The following TMEM222 variants were observed in gnomAD, a reference collection of about 807,000 sequenced individuals.
TMEM222 encodes transmembrane protein 222.
A neutral mutation model predicts 25.1 loss-of-function variants in TMEM222; 18 were observed. The observed-to-expected ratio is 0.72, with a 90% CI of 0.50 to 1.06. The LOEUF (loss-of-function observed/expected upper bound fraction) is 1.06. TMEM222 is among the 50% of genes least tolerant of loss of function. TMEM222 has a pLI of 0.00. For missense variants in TMEM222, 296 were observed against 293.7 expected, an observed-to-expected ratio of 1.01 and a Z score of -0.06; for synonymous variants, 131 against 117.9, an observed-to-expected ratio of 1.11 and a Z score of -0.72.
Position 27,322,320 on chromosome 1 carries a change from C to A in TMEM222, c.123C>A (p.Gly41=). The change falls in exon 1 of 6, where the codon GGC becomes GGA. Residue 41 remains glycine, a synonymous_variant. Transcript: ENST00000374076. ...ACATGAAGCAATATCAAGGCTCCGG[C>A]GGCGTCGCCATGGATGTGGAACGGA... is the stretch of plus-strand genomic sequence containing the variant. ...ETDMKQYQGS[G]GVAMDVERSR... is the part of the protein sequence containing the mutation. 1 of 1,552,494 alleles carries A rather than the reference C, an allele frequency of 6.4e-7. No individual in the cohort carries two copies. Among genetic ancestry groups the A allele is most frequent in the Non-Finnish European group, 8.7e-7 (1 of 1,145,306 alleles).
In TMEM222 at chr1:27,322,166, G is replaced by A; in HGVS notation, c.-32G>A. Reference sequence around the variant, plus strand: ...CGCCATGGGGACGAGCGGCACCAGAGCCGGGGCCAGTCGGAGCGGGGCGCG... The same window carrying A: ...CGCCATGGGGACGAGCGGCACCAGAACCGGGGCCAGTCGGAGCGGGGCGCG... On this transcript the variant is annotated 5_prime_UTR_variant, in exon 1 of 6. Transcript: ENST00000374076. 1 of 1,365,630 alleles carries A rather than the reference G, an allele frequency of 7.3e-7. No homozygotes were observed. The highest frequency in any genetic ancestry group is 9.5e-7 in the Non-Finnish European group (1 of 1,048,110). The allele number at this position is 1,365,630 out of a possible 1,614,324, so 84.6% of individuals were successfully genotyped here.
intron 3 of TMEM222, chr1:27,332,428 C>G: frequency 1.4e-6 from 1 of 718,070 alleles, no homozygotes; most frequent in South Asian, 1.5e-5. Flanking sequence ...GACCCACACC[C>G]AGATCTGTCT....
At chr1:27,326,530 A>C in intron 1 of TMEM222, among the ~76,000 whole-genome samples, 1 of 152,206 alleles carries the variant, frequency 6.6e-6, no homozygotes, top group East Asian at 1.9e-4. Flanking sequence ...GTAACCAAAA[A>C]AAAGGGAAAA....
chr1:27,333,707 A>G, intron 3 of TMEM222: 1 of 545,878 alleles, frequency 1.8e-6, no homozygotes, highest in Non-Finnish European at 3.3e-6. Context: ...CAACATATGA[A>G]CTTGGGGACA....
intron 3 of TMEM222, chr1:27,332,626 C>G (rs2014508630): frequency 1.5e-6 from 1 of 667,604 alleles, no homozygotes; most frequent in Non-Finnish European, 2.8e-6. Context: ...GTGCCCACCT[C>G]AGCTGTGGGC....
intron 1 of TMEM222, among the ~76,000 whole-genome samples, chr1:27,322,603 G>A (rs4592273): frequency 0.19 from 28,938 of 152,280 alleles, 3,537 homozygotes; most frequent in Middle Eastern, 0.3. Flanking sequence ...ACCTGGTGTA[G>A]CCAGGGAGAG....
chr1:27,326,602 C>T (rs1024150414), intron 1 of TMEM222, among the ~76,000 whole-genome samples: 54 of 152,178 alleles, frequency 3.5e-4, no homozygotes, highest in African/African-American at 1.3e-3. Flanking sequence ...GATGCTTACT[C>T]TGTCCTAAAC....
chr1:27,325,428 C>T (rs748354313), intron 1 of TMEM222: 9 of 1,176,304 alleles, frequency 7.7e-6, no homozygotes, highest in African/African-American at 1.5e-5. Flanking sequence ...CAGCAACAAG[C>T]GGTTCCAGTG....
chr1:27,331,666 G>A (rs974708924), intron 2 of TMEM222, among the ~76,000 whole-genome samples: 1 of 152,260 alleles, frequency 6.6e-6, no homozygotes, highest in Non-Finnish European at 1.5e-5. Flanking sequence ...TGGTCTCCAT[G>A]TGGGCCACCA....
chr1:27,323,224 AC>A (rs536780653), intron 1 of TMEM222, among the ~76,000 whole-genome samples: 1 of 152,172 alleles, frequency 6.6e-6, no homozygotes, highest in Non-Finnish European at 1.5e-5. Flanking sequence ...TCAGGTTCGC[AC>A]CCCAATAAGC....
intron 1 of TMEM222, chr1:27,325,655 C>G: frequency 1.2e-6 from 1 of 840,766 alleles, no homozygotes; most frequent in Non-Finnish European, 2.1e-6. Context: ...AGATCAAGCT[C>G]ATTGTGCCCC....
At chr1:27,323,913 T>G (rs558989068) in intron 1 of TMEM222, among the ~76,000 whole-genome samples, 7 of 152,258 alleles carry the variant, frequency 4.6e-5, no homozygotes, top group Admixed American at 2.0e-4. Flanking sequence ...AAAGGAGATA[T>G]GGTCTTTAGA....
intron 5 of TMEM222, chr1:27,334,665 A>C (rs1364919736): frequency 4.9e-6 from 7 of 1,416,812 alleles, no homozygotes; most frequent in Non-Finnish European, 6.6e-6. Context: ...ACTGCCCCAC[A>C]GGTCCCTTCC....
At position 27,332,641 on chromosome 1, in the gene TMEM222, T is replaced by TGA. The variant is rs878917408; in HGVS notation, c.311+544_311+545dup. 43 of 654,180 alleles carry TGA rather than the reference T, an allele frequency of 6.6e-5. No homozygotes were observed. The South Asian group carries it at 7.2e-4, about 11-fold the overall frequency. The allele number at this position is 654,180 out of a possible 1,614,324, so 40.5% of individuals were successfully genotyped here. A position where few individuals can be genotyped will look rare whatever the true frequency, so the allele number is the denominator to read the frequency against. ...GTGCCCACCTCAGCTGTGGGCCTGGTGAGAGTGCCTCAGTCATCAGTGTCC... is the reference window on the plus strand; with the variant it reads ...GTGCCCACCTCAGCTGTGGGCCTGGTGAGAGAGTGCCTCAGTCATCAGTGTCC... On this transcript the variant is annotated intron_variant, in intron 3 of 5. Transcript: ENST00000374076.
chr1:27,331,110 AGGAACCACATCTCT>A, intron 2 of TMEM222: 2 of 1,259,992 alleles, frequency 1.6e-6, no homozygotes, highest in Non-Finnish European at 2.0e-6. Context: ...CAGACCATCC[AGGAACCACATCTCT>A]GGACCTTCAG....
Position 27,325,789 on chromosome 1 carries a change from G to A in TMEM222, c.194+3398G>A, listed in dbSNP as rs562944694. 1.0e-4 allele frequency: 85 copies of A among 809,540 alleles called. 1 individual carries two copies. In the African/African-American group the frequency reaches 1.2e-3, roughly 11 times the overall value. The allele number at this position is 809,540 out of a possible 1,614,324, so 50.1% of individuals were successfully genotyped here. On this transcript the variant is annotated intron_variant, in intron 1 of 5. Coordinates refer to ENST00000374076, the MANE Select transcript of TMEM222 (RefSeq NM_032125.3). Reference sequence around the variant, plus strand: ...GGCCCCTGTATCGTCCACCGCAAATGCTTCTAAATGGACTGCGAGCCGATG... The same window carrying A: ...GGCCCCTGTATCGTCCACCGCAAATACTTCTAAATGGACTGCGAGCCGATG...
At chr1:27,322,456 G>A in intron 1 of TMEM222, 65 bp downstream of exon 1, 1 of 1,306,070 alleles carries the variant, frequency 7.7e-7, no homozygotes, top group Non-Finnish European at 9.9e-7. Context: ...GTCGGGCCGG[G>A]CTAGCCTCCG....
Position 27,325,395 on chromosome 1 carries a change from C to T in TMEM222, c.194+3004C>T, listed in dbSNP as rs1290217587. On this transcript the variant is annotated intron_variant, in intron 1 of 5. Transcript: ENST00000374076. ...CTCCCTGGAGAAGAGCTACAAGCTG[C>T]CGGATGGCCAGGTCATCACCATCAG... 3.9e-6 allele frequency: 4 copies of T among 1,030,084 alleles called. No individual in the cohort carries two copies. The Admixed American group carries it at 5.1e-5, about 13-fold the overall frequency. The allele number at this position is 1,030,084 out of a possible 1,614,324, so 63.8% of individuals were successfully genotyped here. A position where few individuals can be genotyped will look rare whatever the true frequency, so the allele number is the denominator to read the frequency against.
At chr1:27,332,274 C>A in intron 3 of TMEM222, 173 bp downstream of exon 3, 1 of 735,600 alleles carries the variant, frequency 1.4e-6, no homozygotes, top group South Asian at 1.5e-5. Flanking sequence ...AGAGTGTGTA[C>A]CGCACCAGCC....
Sources: allele counts gnomAD v4.1 joint callset (sites outside exome capture counted in the v4.1 genomes callset), GRCh38; gene constraint gnomAD v4.1.1; transcripts MANE v1.5; gene names NCBI Gene and HGNC (gene_info 2026-07-23, HGNC 2026-07-21).